The following SWAP70 variants were observed in gnomAD, a reference collection of about 807,000 sequenced individuals.
The protein encoded by SWAP70 is switch-associated protein 70.
A neutral mutation model predicts 80.2 loss-of-function variants in SWAP70; 34 were observed. The observed-to-expected ratio is 0.42, with a 90% confidence interval of 0.32 to 0.56. SWAP70 has a LOEUF of 0.56. Ranked by LOEUF, SWAP70 falls within the 20% of genes least tolerant of loss-of-function variation. The pLI, the probability that SWAP70 is intolerant of heterozygous loss-of-function variation, is 0.09. For synonymous variants in SWAP70, 239 were observed against 238.5 expected (o/e 1.00, Z -0.02); for missense variants, 578 against 690.7 (o/e 0.84, Z 1.83).
intron 9 of SWAP70, among the ~76,000 whole-genome samples, chr11:9,747,628 A>AT (rs902958017): frequency 1.9e-4 from 29 of 152,344 alleles, no homozygotes; most frequent in African/African-American, 6.7e-4. Flanking sequence ...GATAAATGTT[A>AT]TTTTTTATTT....
At chr11:9,703,521 C>A (rs1257714521) in intron 2 of SWAP70, 1 of 456,112 alleles carries the variant, frequency 2.2e-6, no homozygotes, top group Non-Finnish European at 4.4e-6. Flanking sequence ...ATTGTCACTT[C>A]CTCAGGGAGG....
At chr11:9,723,688 C>T (rs1851168959) in intron 3 of SWAP70, among the ~76,000 whole-genome samples, 1 of 151,860 alleles carries the variant, frequency 6.6e-6, no homozygotes. Context: ...TTTGGGCTTT[C>T]CAGAAAATAA....
rs574754903 is a variant in SWAP70, at chr11:9,690,539, C to T, written c.100-3607C>T. 4.6e-5 allele frequency among the ~76,000 whole-genome samples: 7 copies of T among 152,168 alleles called. No individual in the cohort carries two copies. In the South Asian group the frequency reaches 1.5e-3, roughly 32 times the overall value. ...TTGCTGAGATCATGCCATTGCACTC[C>T]AGCCTGGGTGACAGAGTGAGACTCT... On this transcript the variant is annotated intron_variant, in intron 1 of 11. Coordinates refer to ENST00000318950, the MANE Select transcript of SWAP70 (RefSeq NM_015055.4).
intron 9 of SWAP70, among the ~76,000 whole-genome samples, chr11:9,744,596 T>A (rs763857719): frequency 8.5e-5 from 13 of 152,198 alleles, no homozygotes; most frequent in Admixed American, 2.6e-4. Context: ...AAGAAAACTG[T>A]TCATTTAAAA....
At chr11:9,687,057 G>C (rs1425622972) in intron 1 of SWAP70, among the ~76,000 whole-genome samples, 1 of 152,184 alleles carries the variant, frequency 6.6e-6, no homozygotes, top group Non-Finnish European at 1.5e-5. Context: ...GCAAGATTAA[G>C]CATCTTTTCC....
Position 9,752,068 on chromosome 11 carries a change from A to G in SWAP70, c.*2098A>G, listed in dbSNP as rs188424369. The G allele has an allele frequency of 6.6e-6, 1 of 152,358 alleles. No individual in the cohort carries two copies. Among genetic ancestry groups the G allele is most frequent in the Admixed American group, 6.5e-5 (1 of 15,304 alleles). 9.4% of individuals were successfully genotyped at this position (152,358 alleles called of 1,614,324 possible). ...CCTCATTCCAGAATGAGGAAAAAGT[A>G]TTCTACAAAGAACCTAATCACCTCT... On this transcript the variant is annotated 3_prime_UTR_variant, in exon 12 of 12. Transcript: ENST00000318950.
intron 1 of SWAP70, among the ~76,000 whole-genome samples, chr11:9,693,055 C>T (rs1288481045): frequency 1.3e-5 from 2 of 152,108 alleles, no homozygotes; most frequent in East Asian, 3.8e-4. Context: ...AAACTCCTAA[C>T]TGAAATATGT....
At chr11:9,687,241 C>T (rs959383546) in intron 1 of SWAP70, among the ~76,000 whole-genome samples, 15 of 152,132 alleles carry the variant, frequency 9.9e-5, no homozygotes, top group African/African-American at 3.6e-4. Flanking sequence ...AAAAGTATCA[C>T]AATAACCATA....
At chr11:9,741,007 T>A (rs1851430638) in intron 9 of SWAP70, 1 of 154,666 alleles carries the variant, frequency 6.5e-6, no homozygotes, top group Non-Finnish European at 1.4e-5. Context: ...GTTTCTACTT[T>A]GCTGCCCCAT....
In SWAP70 at chr11:9,732,402, A is replaced by AT; in HGVS notation, c.899-126dup. 3.0e-6 allele frequency: 3 copies of AT among 999,900 alleles called. No individual in the cohort carries two copies. In the East Asian group the frequency reaches 7.9e-5, roughly 26 times the overall value. The allele number at this position is 999,900 out of a possible 1,614,324, so 61.9% of individuals were successfully genotyped here. On this transcript the variant is annotated intron_variant, in intron 6 of 11. Coordinates refer to ENST00000318950, the MANE Select transcript of SWAP70 (RefSeq NM_015055.4). Reference sequence around the variant, plus strand: ...GGTCACACCACTATGGAGTGACAAAATCAGAATCTACACTGGGCCTTCTGG... The same window carrying AT: ...GGTCACACCACTATGGAGTGACAAAATTCAGAATCTACACTGGGCCTTCTGG...
In SWAP70 at chr11:9,751,786, T is replaced by G. The variant is rs1851593756; in HGVS notation, c.*1816T>G. 6.6e-6 allele frequency: 1 copy of G among 152,250 alleles called. No individual in the cohort carries two copies. The highest frequency in any genetic ancestry group is 1.5e-5 in the Non-Finnish European group (1 of 68,036). 9.4% of individuals were successfully genotyped at this position (152,250 alleles called of 1,614,324 possible). A position where few individuals can be genotyped will look rare whatever the true frequency, so the allele number is the denominator to read the frequency against. ...GGTCTGTAGGTATTTGTCTTAAGAT[T>G]TTTGGCTGTTTAATAAAAATGTAAC... On this transcript the variant is annotated 3_prime_UTR_variant, in exon 12 of 12. Coordinates refer to ENST00000318950, the MANE Select transcript of SWAP70 (RefSeq NM_015055.4).
chr11:9,716,308 G>T (rs911606148), intron 3 of SWAP70, among the ~76,000 whole-genome samples: 1 of 152,252 alleles, frequency 6.6e-6, no homozygotes, highest in Non-Finnish European at 1.5e-5. Flanking sequence ...GGAAAAGAAG[G>T]CCAGATGGGA....
chr11:9,683,616 G>A (rs934557088), intron 1 of SWAP70, among the ~76,000 whole-genome samples: 11 of 152,122 alleles, frequency 7.2e-5, no homozygotes, highest in East Asian at 5.8e-4. Context: ...TGTTACCTGT[G>A]GGGTGGGAGA....
At chr11:9,681,564 G>T (rs571507473) in intron 1 of SWAP70, among the ~76,000 whole-genome samples, 1 of 152,290 alleles carries the variant, frequency 6.6e-6, no homozygotes, top group East Asian at 1.9e-4. Flanking sequence ...TGGAGATTGG[G>T]GGACTTGTTA....
At position 9,694,190 on chromosome 11, in the gene SWAP70, C is replaced by T; in HGVS notation, c.144C>T (p.Asp48=). The part of the protein sequence containing the change: ...NLCTVLKVPH[D]PVALEEHFRD... ...GCACGGTGCTGAAGGTTCCTCATGA[C>T]CCAGTTGCCCTTGAAGAGCACTTCA... The change falls in exon 2 of 12, where the codon GAC becomes GAT. Residue 48 remains aspartate (D), a synonymous_variant. Coordinates refer to ENST00000318950, the MANE Select transcript of SWAP70 (RefSeq NM_015055.4). 1 of 1,612,952 alleles carries T rather than the reference C, an allele frequency of 6.2e-7. No individual in the cohort carries two copies. The highest frequency in any genetic ancestry group is 2.2e-5 in the East Asian group (1 of 44,840).
In SWAP70 at chr11:9,675,365, GAGAGAGA is replaced by G. The variant is rs1850480251; in HGVS notation, c.99+11088_99+11094del. 2.3e-4 allele frequency among the ~76,000 whole-genome samples: 8 copies of G among 34,994 alleles called. 1 individual carries two copies. The highest frequency in any genetic ancestry group is 5.7e-4 in the Non-Finnish European group (8 of 14,006). The allele number at this position is 34,994 out of a possible 152,430, so 23.0% of individuals were successfully genotyped here. ...AGGGAGCGAGAGAGAGAGAGAGAGA[GAGAGAGA>G]GAGAGAGAGAGAGAGAGAGAGAGAG... On this transcript the variant is annotated intron_variant, in intron 1 of 11. Transcript: ENST00000318950.
rs1018982997 is a variant in SWAP70 at position 9,750,546 on chromosome 11, A to G, written c.*576A>G. ...TTTCTTTGAAAACATCACCTTCTGA[A>G]ATTTGTCTTTTAGCTCTCTCAGATT... is the stretch of plus-strand genomic sequence containing the variant. On this transcript the variant is annotated 3_prime_UTR_variant, in exon 12 of 12. Coordinates refer to ENST00000318950, the MANE Select transcript of SWAP70 (RefSeq NM_015055.4). 2 of 152,294 alleles carry G rather than the reference A, an allele frequency of 1.3e-5. No individual in the cohort carries two copies. Among genetic ancestry groups the G allele is most frequent in the African/African-American group, 4.8e-5 (2 of 41,420 alleles). The allele number at this position is 152,294 out of a possible 1,614,324, so 9.4% of individuals were successfully genotyped here.
At chr11:9,718,666 G>T (rs916932966) in intron 3 of SWAP70, among the ~76,000 whole-genome samples, 1 of 135,438 alleles carries the variant, frequency 7.4e-6, no homozygotes, top group Non-Finnish European at 1.7e-5. Flanking sequence ...CATATAGGTG[G>T]GTTTAACTTG....
rs182843247 is a variant in SWAP70 at position 9,747,708 on chromosome 11, A to G, written c.1356-150A>G. Reference sequence around the variant, plus strand: ...CTGCTTTACCAGCTTTGTGAATATGAGCTTCTCTGGCTCCTGCTTTCCTCC... The same window carrying G: ...CTGCTTTACCAGCTTTGTGAATATGGGCTTCTCTGGCTCCTGCTTTCCTCC... On this transcript the variant is annotated intron_variant, in intron 9 of 11. Coordinates refer to ENST00000318950, the MANE Select transcript of SWAP70 (RefSeq NM_015055.4). 4.1e-4 allele frequency: 299 copies of G among 725,226 alleles called. No individual in the cohort carries two copies. The African/African-American group carries it at 4.3e-3, about 10-fold the overall frequency. The allele number at this position is 725,226 out of a possible 1,614,324, so 44.9% of individuals were successfully genotyped here. A position where few individuals can be genotyped will look rare whatever the true frequency, so the allele number is the denominator to read the frequency against.
Sources: allele counts gnomAD v4.1 joint callset (sites outside exome capture counted in the v4.1 genomes callset), GRCh38; gene constraint gnomAD v4.1.1; transcripts MANE v1.5; gene names NCBI Gene and HGNC (gene_info 2026-07-23, HGNC 2026-07-21).